Variants in ZAN observed in about 807,000 individuals in gnomAD.
ZAN encodes zonadhesin.
Under a neutral mutation model 286.2 loss-of-function variants are expected in ZAN, and 260 were observed. The observed-to-expected ratio is 0.91, with a 90% CI of 0.82 to 1.01. The LOEUF is 1.01. Among genes scored for constraint, ZAN ranks in the 50% least tolerant of loss-of-function variants. ZAN has a pLI of 0.00. For missense variants in ZAN, 3,410 were observed against 3,639.2 expected (o/e 0.94, Z 1.62); for synonymous variants, 1,368 against 1,417.5 (o/e 0.97, Z 0.79).
chr7:100,768,393 A>G (rs1810145845), intron 26 of ZAN, among the ~76,000 whole-genome samples: 1 of 152,106 alleles, frequency 6.6e-6, no homozygotes. Context: ...AATCGCTTGA[A>G]CCTGGGAGGT....
rs531345395 is a variant in ZAN at position 100,734,142 on chromosome 7, C to A, written c.-27C>A. On this transcript the variant is annotated 5_prime_UTR_variant, in exon 2 of 48. Coordinates refer to ENST00000613979, the MANE Select transcript of ZAN (RefSeq NM_003386.3). Reference sequence around the variant, plus strand: ...CTCCCAACTGTGCCCTTCCCCTCTCCCCTGGGAGCAACCACTTAGGGTCCT... The same window carrying A: ...CTCCCAACTGTGCCCTTCCCCTCTCACCTGGGAGCAACCACTTAGGGTCCT... 3 of 1,422,690 alleles carry A rather than the reference C, an allele frequency of 2.1e-6. 1 individual carries two copies. The highest frequency in any genetic ancestry group is 2.9e-6 in the Non-Finnish European group (3 of 1,041,442). The allele number at this position is 1,422,690 out of a possible 1,614,324, so 88.1% of individuals were successfully genotyped here.
chr7:100,788,276 C>G (rs192515169), intron 38 of ZAN, 140 bp downstream of exon 38: 1 of 1,242,364 alleles, frequency 8.0e-7, no homozygotes, highest in Non-Finnish European at 1.1e-6. Context: ...GTCAGCAGGA[C>G]GCAGTGGTTC....
At position 100,767,122 on chromosome 7, in the gene ZAN, G is replaced by C. The variant is rs759876241; in HGVS notation, c.4725G>C (p.Arg1575Ser). ...TCCTGACCCGGCCTTGCTGGTCCAG[G>C]TCCCAAGACAGCTATTTTGTTGTGA... ...TYVLTRPCWS[R>S]SQDSYFVVSA... The change falls in exon 25 of 48, where the codon AGG becomes AGC. Residue 1575 changes from arginine (R) to serine (S), a missense_variant. Arg to Ser is a moderately radical substitution (Grantham distance 110). Transcript: ENST00000613979. 3 of 1,613,868 alleles carry C rather than the reference G, an allele frequency of 1.9e-6. No homozygotes were observed. The highest frequency in any genetic ancestry group is 2.5e-6 in the Non-Finnish European group (3 of 1,179,872).
intron 37 of ZAN, among the ~76,000 whole-genome samples, chr7:100,787,501 G>T (rs191604570): frequency 6.6e-6 from 1 of 152,144 alleles, no homozygotes; most frequent in African/African-American, 2.4e-5. Flanking sequence ...GGATGCCACC[G>T]TGGGGGAGGG....
chr7:100,769,622 GAAGCCTCCAACTGCTGGGCTC>G (rs533786206), intron 27 of ZAN, among the ~76,000 whole-genome samples: 78 of 151,204 alleles, frequency 5.2e-4, no homozygotes, highest in Middle Eastern at 6.8e-3. Flanking sequence ...ATAGCTCACT[GAAGCCTCCAACTGCTGGGCTC>G]AAGCCATCCT....
At chr7:100,776,867 G>A (rs1048167868) in intron 34 of ZAN, among the ~76,000 whole-genome samples, 8 of 146,168 alleles carry the variant, frequency 5.5e-5, no homozygotes, top group Non-Finnish European at 1.2e-4. Flanking sequence ...CGAGTAGCTG[G>A]GACTACAGGC....
At position 100,794,236 on chromosome 7, in the gene ZAN, C is replaced by A. The variant is rs74881141; in HGVS notation, c.8103C>A (p.Asn2701Lys). Residue 2701 changes from asparagine to lysine, a missense_variant, in exon 44 of 48, where the codon AAC (asparagine) becomes AAA (lysine). Physicochemically the swap from Asn to Lys is moderately conservative, Grantham distance 94 (BLOSUM62 0). Coordinates refer to ENST00000613979, the MANE Select transcript of ZAN (RefSeq NM_003386.3). ...CGGGGGAGGTCTGCACCCTGGGGAA[C>A]CACACCCAAGGCTGCTTTCCAGGTG... is the stretch of plus-strand genomic sequence containing the variant. ...CRAGEVCTLGNHTQGCFPESP... is the reference protein window; with the variant it reads ...CRAGEVCTLGKHTQGCFPESP... 9,224 of 1,609,560 alleles carry A rather than the reference C, an allele frequency of 5.7e-3. 432 individuals carry two copies. In the African/African-American group the frequency reaches 0.11, roughly 19 times the overall value.
chr7:100,738,851 CTTCTTTCTCTTCCTCTTCTT>C (rs1807491713), intron 7 of ZAN, among the ~76,000 whole-genome samples: 1 of 118,404 alleles, frequency 8.4e-6, no homozygotes, highest in Non-Finnish European at 1.9e-5. Context: ...TCTTCTTCTT[CTTCTTTCTCTTCCTCTTCTT>C]CTTCTCCCTC....
intron 31 of ZAN, 59 bp from the exon 32 acceptor site, chr7:100,775,269 C>T: frequency 1.3e-6 from 2 of 1,572,000 alleles, no homozygotes; most frequent in Non-Finnish European, 1.7e-6. Context: ...ACTAGTTTCC[C>T]AGGGACCCTG....
intron 34 of ZAN, among the ~76,000 whole-genome samples, chr7:100,778,699 A>G (rs1810981263): frequency 6.6e-6 from 1 of 152,058 alleles, no homozygotes; most frequent in Admixed American, 6.6e-5. Flanking sequence ...AGGGTGGGGA[A>G]TCCCTGAGAG....
At position 100,752,527 on chromosome 7, in the gene ZAN, A is replaced by G. The variant is rs571748097; in HGVS notation, c.2422A>G (p.Thr808Ala). 6.3e-6 allele frequency: 10 copies of G among 1,590,548 alleles called. No individual in the cohort carries two copies. The highest frequency in any genetic ancestry group is 4.6e-5 in the East Asian group (2 of 43,670). The stretch of plus-strand genomic sequence containing the variant: ...AGAGCCCACCACCCCCACTGAGGAG[A>G]CCACCATCTCCACAGAAAAACCCAG... ...TEEPTTPTEE[T>A]TISTEKPSIP... is the part of the protein sequence containing the mutation. The change falls in exon 14 of 48, where the codon ACC becomes GCC. Residue 808 changes from threonine (T) to alanine (A), a missense_variant. Transcript: ENST00000613979.
intron 45 of ZAN, 65 bp from the exon 46 acceptor site, chr7:100,797,299 AGT>A: frequency 6.8e-7 from 1 of 1,466,028 alleles, no homozygotes; most frequent in South Asian, 1.2e-5. Context: ...CCCAAAAGGG[AGT>A]ACCCCTCAGT....
intron 42 of ZAN, among the ~76,000 whole-genome samples, chr7:100,793,599 G>A (rs1218116560): frequency 2.0e-5 from 3 of 151,876 alleles, no homozygotes; most frequent in African/African-American, 7.3e-5. Flanking sequence ...CACCACGCCC[G>A]GCTCATTTTT....
chr7:100,751,062 G>T, intron 12 of ZAN, 120 bp from the exon 13 acceptor site: 1 of 1,351,900 alleles, frequency 7.4e-7, no homozygotes. Context: ...GGGCTGGACT[G>T]TTGAGGCTGG....
In ZAN at chr7:100,753,104, T is replaced by G. The variant is rs1404230374; in HGVS notation, c.2999T>G (p.Leu1000Arg). Residue 1000 changes from leucine to arginine, a missense_variant, in exon 14 of 48, where the codon CTG becomes CGG. By Grantham distance (102) the Leu-to-Arg change is moderately radical (BLOSUM62 -2). Transcript: ENST00000613979. ...ATTCCCACAGAGAAGCTCACAGCCC[T>G]GAGGCCACCCCATCCCAGCCCCACA... ...PTIPTEKLTA[L>R]RPPHPSPTAT... 6.2e-7 allele frequency: 1 copy of G among 1,612,548 alleles called. No homozygotes were observed. The highest frequency in any genetic ancestry group is 8.5e-7 in the Non-Finnish European group (1 of 1,179,504).
In ZAN at chr7:100,767,888, A is replaced by T. The variant is rs1419234935; in HGVS notation, c.4918A>T (p.Arg1640Trp). The T allele has an allele frequency of 6.2e-7, 1 of 1,613,812 alleles. No homozygotes were observed. The highest frequency in any genetic ancestry group is 2.2e-5 in the East Asian group (1 of 44,860). ...GCTTGCACAAGGCCGGGTGACCATAAGGCTCAGCAGCAACCTCGTCCTCCT... is the reference window on the plus strand; with the variant it reads ...GCTTGCACAAGGCCGGGTGACCATATGGCTCAGCAGCAACCTCGTCCTCCT... ...VWLAQGRVTI[R>W]LSSNLVLLYT... The change falls in exon 26 of 48, where the codon AGG (arginine) becomes TGG (tryptophan). Residue 1640 changes from arginine to tryptophan, a missense_variant. Arg to Trp is a moderately radical substitution (Grantham distance 101). Transcript: ENST00000613979.
intron 45 of ZAN, among the ~76,000 whole-genome samples, chr7:100,797,123 G>C (rs988630360): frequency 1.3e-5 from 2 of 152,110 alleles, no homozygotes; most frequent in African/African-American, 4.8e-5. Context: ...CTGAGCAATA[G>C]AGCCAGACTC....
In ZAN at chr7:100,752,383, A is replaced by G; in HGVS notation, c.2278A>G (p.Thr760Ala). ...ACCCACCATCTCCCCAGAAAAACCCACCACCCCCACAGAAAAACCCACCAT... is the reference window on the plus strand; with the variant it reads ...ACCCACCATCTCCCCAGAAAAACCCGCCACCCCCACAGAAAAACCCACCAT... ...EKPTISPEKP[T>A]TPTEKPTISP... The change falls in exon 14 of 48, where the codon ACC becomes GCC. Residue 760 changes from threonine to alanine, a missense_variant. Physicochemically the swap from Thr to Ala is moderately conservative, Grantham distance 58. Transcript: ENST00000613979. The G allele has an allele frequency of 6.4e-7, 1 of 1,555,588 alleles. No individual in the cohort carries two copies. Among genetic ancestry groups the G allele is most frequent in the Non-Finnish European group, 8.7e-7 (1 of 1,147,246 alleles).
At position 100,748,225 on chromosome 7, in the gene ZAN, G is replaced by A; in HGVS notation, c.1102+10G>A. ...ATTGCTCCTTGTGGGGGTGAGAGCA[G>A]GCCCTGAGAGGCCCGGATCTCTCAG... On this transcript the variant is annotated intron_variant, in intron 10 of 47. Transcript: ENST00000613979. The A allele has an allele frequency of 6.2e-7, 1 of 1,613,962 alleles. No homozygotes were observed. The highest frequency in any genetic ancestry group is 1.3e-5 in the African/African-American group (1 of 75,054).
Sources: allele counts gnomAD v4.1 joint callset (sites outside exome capture counted in the v4.1 genomes callset), GRCh38; gene constraint gnomAD v4.1.1; transcripts MANE v1.5; gene names NCBI Gene and HGNC (gene_info 2026-07-23, HGNC 2026-07-21).